Variants in EGFR observed in about 807,000 individuals in gnomAD.
EGFR encodes the protein avian erythroblastic leukemia viral (v-erb-b) oncogene homolog.
Under a neutral mutation model 143.0 loss-of-function variants are expected in EGFR, and 58 were observed. The ratio of observed to expected loss-of-function variants is 0.41; its 90% CI spans 0.33 to 0.50. The LOEUF (loss-of-function observed/expected upper bound fraction) is 0.50, where lower values mean the gene tolerates loss of function less well. EGFR is among the 20% of genes least tolerant of loss of function. The pLI is 0.39. For synonymous variants in EGFR, 613 were observed against 594.4 expected (o/e 1.03, Z -0.45); for missense variants, 1,307 against 1,579.0 (o/e 0.83, Z 2.92).
At chr7:55,136,399 A>G (rs1794143802) in intron 1 of EGFR, among the ~76,000 whole-genome samples, 1 of 152,158 alleles carries the variant, frequency 6.6e-6, no homozygotes, top group Non-Finnish European at 1.5e-5. Flanking sequence ...CTCCTCCTCT[A>G]TCTCCCTCAG....
At chr7:55,036,971 G>T (rs1048554545) in intron 1 of EGFR, among the ~76,000 whole-genome samples, 8 of 152,144 alleles carry the variant, frequency 5.3e-5, no homozygotes, top group Non-Finnish European at 2.9e-5. Context: ...AACATAGGGA[G>T]GGGGAAGAGA....
intron 1 of EGFR, among the ~76,000 whole-genome samples, chr7:55,094,360 G>A (rs1381778241): frequency 2.0e-5 from 3 of 152,218 alleles, no homozygotes; most frequent in African/African-American, 7.2e-5. Flanking sequence ...CCAGGTCGGG[G>A]GGCAGGGGGG....
chr7:55,066,308 C>T (rs559467125), intron 1 of EGFR, among the ~76,000 whole-genome samples: 1 of 152,330 alleles, frequency 6.6e-6, no homozygotes, highest in South Asian at 2.1e-4. Context: ...TAATGAGGCA[C>T]TGTCGTGCCA....
intron 1 of EGFR, among the ~76,000 whole-genome samples, chr7:55,098,693 TA>T (rs1791626921): frequency 6.6e-6 from 1 of 152,202 alleles, no homozygotes; most frequent in South Asian, 2.1e-4. Flanking sequence ...TCCGGCAATA[TA>T]AAAATAAAAT....
intron 22 of EGFR, among the ~76,000 whole-genome samples, chr7:55,193,257 C>A (rs756102335): frequency 4.2e-4 from 64 of 152,222 alleles, no homozygotes; most frequent in Non-Finnish European, 7.1e-4. Context: ...CTACCCTGGC[C>A]CTTATGTGTC....
chr7:55,025,358 T>C (rs1023759375), intron 1 of EGFR, among the ~76,000 whole-genome samples: 1 of 152,048 alleles, frequency 6.6e-6, no homozygotes, highest in Non-Finnish European at 1.5e-5. Flanking sequence ...GGTTGATAAG[T>C]ATATGTAGCA....
chr7:55,048,670 G>A (rs924301815), intron 1 of EGFR, among the ~76,000 whole-genome samples: 2 of 152,166 alleles, frequency 1.3e-5, no homozygotes, highest in Admixed American at 6.5e-5. Flanking sequence ...TCAAAATGAG[G>A]ACAGAGCCTT....
At chr7:55,137,401 T>C (rs924447229) in intron 1 of EGFR, among the ~76,000 whole-genome samples, 6 of 152,228 alleles carry the variant, frequency 3.9e-5, no homozygotes, top group African/African-American at 1.4e-4. Context: ...ATACTGTGTC[T>C]TAATAAGTAA....
intron 4 of EGFR, among the ~76,000 whole-genome samples, chr7:55,147,738 G>C (rs747323): frequency 0.013 from 2,050 of 152,252 alleles, 38 homozygotes; most frequent in African/African-American, 0.044. Context: ...CTTTTATCTT[G>C]CAAAGCTGAA....
At chr7:55,143,227 C>T (rs1794566200) in intron 2 of EGFR, 78 bp from the exon 3 acceptor site, 1 of 1,533,570 alleles carries the variant, frequency 6.5e-7, no homozygotes, top group South Asian at 1.1e-5. Flanking sequence ...CGTCCTAGGG[C>T]TCCCTGGACC....
At chr7:55,138,986 C>T (rs1256671955) in intron 1 of EGFR, among the ~76,000 whole-genome samples, 1 of 152,162 alleles carries the variant, frequency 6.6e-6, no homozygotes, top group Non-Finnish European at 1.5e-5. Flanking sequence ...GACTCACTCC[C>T]GTGATAGCTA....
At chr7:55,147,111 C>T (rs991960137) in intron 4 of EGFR, among the ~76,000 whole-genome samples, 19 of 152,336 alleles carry the variant, frequency 1.2e-4, no homozygotes, top group East Asian at 3.9e-4. Flanking sequence ...AGAGGCTACC[C>T]GGCCCTCCTG....
chr7:55,180,689 G>T (rs1786820046), intron 19 of EGFR: 1 of 164,600 alleles, frequency 6.1e-6, no homozygotes, highest in African/African-American at 2.4e-5. Flanking sequence ...GGTGCTGTGG[G>T]CAGGGTCCCC....
chr7:55,205,914 A>G lies in EGFR; in HGVS notation c.*297A>G. On this transcript the variant is annotated 3_prime_UTR_variant, in exon 28 of 28. Coordinates refer to ENST00000275493, the MANE Select transcript of EGFR (RefSeq NM_005228.5). ...GGTATATTTGAAAAAAAAAAAAAGT[A>G]TATGTGAGGATTTTTATTGATTGGG... The G allele has an allele frequency of 2.2e-6, 1 of 456,964 alleles. No homozygotes were observed. The highest frequency in any genetic ancestry group is 3.9e-6 in the Non-Finnish European group (1 of 253,322). 28.3% of individuals were successfully genotyped at this position (456,964 alleles called of 1,614,324 possible).
chr7:55,119,841 T>A (rs1793092467), intron 1 of EGFR, among the ~76,000 whole-genome samples: 1 of 152,158 alleles, frequency 6.6e-6, no homozygotes, highest in Non-Finnish European at 1.5e-5. Context: ...CCCAAATCTG[T>A]TTCACCTCCC....
At position 55,142,447 on chromosome 7, in the gene EGFR, T is replaced by G; in HGVS notation, c.240+10T>G. ...TCTTTCCTTCTTAAAGGTTGGTGAC[T>G]TTGATTTTCCTACACAAATAAAATT... On this transcript the variant is annotated intron_variant, in intron 2 of 27. Transcript: ENST00000275493. 1 of 1,613,728 alleles carries G rather than the reference T, an allele frequency of 6.2e-7. No individual in the cohort carries two copies. The highest frequency in any genetic ancestry group is 8.5e-7 in the Non-Finnish European group (1 of 1,180,018).
At position 55,205,294 on chromosome 7, in the gene EGFR, T is replaced by C. The variant is rs376598259; in HGVS notation, c.3310T>C (p.Ser1104Pro). 3 of 1,612,814 alleles carry C rather than the reference T, an allele frequency of 1.9e-6. No homozygotes were observed. The highest frequency in any genetic ancestry group is 2.5e-6 in the Non-Finnish European group (3 of 1,179,482). ...NQSVPKRPAG[S>P]VQNPVYHNQP... is the part of the protein sequence containing the mutation. The stretch of plus-strand genomic sequence containing the variant: ...GTCCGTTCCCAAAAGGCCCGCTGGC[T>C]CTGTGCAGAATCCTGTCTATCACAA... The change falls in exon 28 of 28, where the codon TCT becomes CCT. Residue 1104 changes from serine (S) to proline (P), a missense_variant. Ser to Pro is a moderately conservative substitution (Grantham distance 74). This residue lies in a region of EGFR where 313 missense variants were observed against 312.3 expected (regional missense o/e 1.00). Transcript: ENST00000275493.
chr7:55,151,401 C>A (rs1584164702), intron 5 of EGFR, 39 bp downstream of exon 5: 1 of 1,599,076 alleles, frequency 6.3e-7, no homozygotes, highest in African/African-American at 1.4e-5. Flanking sequence ...GTGTGACCGC[C>A]CCTCTCTTCC....
In EGFR at chr7:55,191,868, A is replaced by T. The variant is rs764700695; in HGVS notation, c.2619A>T (p.Gly873=). 5.0e-6 allele frequency: 8 copies of T among 1,613,686 alleles called. No individual in the cohort carries two copies. Among genetic ancestry groups the T allele is most frequent in the Admixed American group, 3.3e-5 (2 of 60,026 alleles). ...GAEEKEYHAE[G]GKVPIKWMAL... The stretch of plus-strand genomic sequence containing the variant: ...AAGAGAAAGAATACCATGCAGAAGG[A>T]GGCAAAGTAAGGAGGTGGCTTTAGG... Residue 873 remains glycine (G), a synonymous_variant, in exon 21 of 28, where the codon GGA becomes GGT. Transcript: ENST00000275493.
Sources: allele counts gnomAD v4.1 joint callset (sites outside exome capture counted in the v4.1 genomes callset), GRCh38; gene constraint gnomAD v4.1.1; regional missense constraint gnomAD v4.1.1; transcripts MANE v1.5; gene names NCBI Gene and HGNC (gene_info 2026-07-23, HGNC 2026-07-21).